The following PRKAR2B variants were observed in gnomAD, a reference collection of about 807,000 sequenced individuals.
The protein encoded by PRKAR2B is protein kinase cAMP-dependent type II regulatory subunit beta.
Under a neutral mutation model 49.9 loss-of-function variants are expected in PRKAR2B, and 14 were observed. That is an observed-to-expected ratio of 0.28 (90% CI 0.19 to 0.44). PRKAR2B has a LOEUF of 0.44. Ranked by LOEUF, PRKAR2B falls within the 20% of genes least tolerant of loss-of-function variation. The pLI, the probability that PRKAR2B is intolerant of heterozygous loss-of-function variation, is 1.00. For missense variants in PRKAR2B, 393 were observed against 537.9 expected (o/e 0.73, Z 2.67); for synonymous variants, 196 against 197.7 (o/e 0.99, Z 0.07).
intron 2 of PRKAR2B, among the ~76,000 whole-genome samples, chr7:107,110,182 A>C (rs1480047894): frequency 2.0e-5 from 3 of 152,162 alleles, no homozygotes; most frequent in Non-Finnish European, 4.4e-5. Context: ...GCAAAAGCAA[A>C]CTAACTCAGC....
intron 2 of PRKAR2B, among the ~76,000 whole-genome samples, chr7:107,102,432 C>G (rs1191127015): frequency 6.6e-6 from 1 of 152,156 alleles, no homozygotes; most frequent in Non-Finnish European, 1.5e-5. Context: ...CTTTGGGCCA[C>G]TCTGCCTGTG....
chr7:107,044,847 C>G lies in PRKAR2B; in HGVS notation c.-61C>G. ...GCGCTCGCTCGGCAGCCGCGGGGCCCTAGGCCGTGCCGGGGAGGGGGCGAG... is the reference window on the plus strand; with the variant it reads ...GCGCTCGCTCGGCAGCCGCGGGGCCGTAGGCCGTGCCGGGGAGGGGGCGAG... On this transcript the variant is annotated 5_prime_UTR_variant, in exon 1 of 11. Coordinates refer to ENST00000265717, the MANE Select transcript of PRKAR2B (RefSeq NM_002736.3). 6.8e-7 allele frequency: 1 copy of G among 1,470,988 alleles called. No homozygotes were observed. Among genetic ancestry groups the G allele is most frequent in the Non-Finnish European group, 9.1e-7 (1 of 1,104,288 alleles). The allele number at this position is 1,470,988 out of a possible 1,614,324, so 91.1% of individuals were successfully genotyped here.
At chr7:107,156,381 T>C (rs1488715733) in intron 8 of PRKAR2B, among the ~76,000 whole-genome samples, 1 of 151,956 alleles carries the variant, frequency 6.6e-6, no homozygotes, top group Non-Finnish European at 1.5e-5. Context: ...GAGGCTGCAG[T>C]GAGCTGAGAT....
intron 1 of PRKAR2B, among the ~76,000 whole-genome samples, chr7:107,063,209 G>A (rs1794061853): frequency 6.6e-6 from 1 of 152,088 alleles, no homozygotes; most frequent in Non-Finnish European, 1.5e-5. Flanking sequence ...TACCATGTTG[G>A]CCAGGCTGAA....
At chr7:107,156,820 C>A (rs1796101042) in intron 8 of PRKAR2B, among the ~76,000 whole-genome samples, 164 bp from the exon 9 acceptor site, 2 of 151,176 alleles carry the variant, frequency 1.3e-5, no homozygotes, top group African/African-American at 2.4e-5. Flanking sequence ...AAAAAAAAAA[C>A]CTCTTGATTT....
chr7:107,117,366 A>G (rs565665143), intron 2 of PRKAR2B, among the ~76,000 whole-genome samples: 2 of 152,306 alleles, frequency 1.3e-5, no homozygotes, highest in South Asian at 2.1e-4. Context: ...TTAAATAAGT[A>G]TGCTAAAATC....
intron 2 of PRKAR2B, among the ~76,000 whole-genome samples, chr7:107,108,161 A>G (rs1015444766): frequency 1.3e-5 from 2 of 152,156 alleles, no homozygotes; most frequent in African/African-American, 2.4e-5. Context: ...GAGTTGGCCC[A>G]TCATGAACCC....
At chr7:107,125,465 C>G (rs1741866770) in intron 3 of PRKAR2B, among the ~76,000 whole-genome samples, 1 of 152,188 alleles carries the variant, frequency 6.6e-6, no homozygotes. Context: ...CTCTAGTACA[C>G]TAAAATCACA....
At chr7:107,140,371 T>A (rs534834134) in intron 4 of PRKAR2B, among the ~76,000 whole-genome samples, 2 of 152,362 alleles carry the variant, frequency 1.3e-5, no homozygotes, top group South Asian at 4.1e-4. Flanking sequence ...GTTTTGATTT[T>A]GGTGCTAAAC....
chr7:107,067,457 C>G (rs986244081), intron 1 of PRKAR2B: 1 of 152,148 alleles, frequency 6.6e-6, no homozygotes, highest in Non-Finnish European at 1.5e-5. Flanking sequence ...CTGTCCAATC[C>G]TATGCCCCAT....
intron 2 of PRKAR2B, among the ~76,000 whole-genome samples, chr7:107,085,159 A>G (rs1427204905): frequency 6.6e-6 from 1 of 152,124 alleles, no homozygotes; most frequent in African/African-American, 2.4e-5. Context: ...ATAAGCAATA[A>G]TGTTAGATGC....
At chr7:107,082,950 A>G (rs997514928) in intron 2 of PRKAR2B, among the ~76,000 whole-genome samples, 1 of 152,070 alleles carries the variant, frequency 6.6e-6, no homozygotes, top group Non-Finnish European at 1.5e-5. Flanking sequence ...AGTTGGTGAG[A>G]CTGAAGTGTC....
intron 2 of PRKAR2B, among the ~76,000 whole-genome samples, chr7:107,099,390 TC>T (rs908857966): frequency 1.2e-4 from 19 of 152,124 alleles, no homozygotes; most frequent in Admixed American, 2.6e-4. Flanking sequence ...GGTGGGAGTG[TC>T]CCGATTTTCC....
At chr7:107,086,813 T>C (rs545383344) in intron 2 of PRKAR2B, among the ~76,000 whole-genome samples, 1 of 152,282 alleles carries the variant, frequency 6.6e-6, no homozygotes, top group South Asian at 2.1e-4. Context: ...GTAAACATAA[T>C]GATATGGTAA....
chr7:107,116,192 A>G (rs540840441), intron 2 of PRKAR2B, among the ~76,000 whole-genome samples: 2 of 152,314 alleles, frequency 1.3e-5, no homozygotes, highest in South Asian at 2.1e-4. Context: ...TTTTGTTAAC[A>G]TTTACTGTGT....
chr7:107,104,468 C>T (rs2283037), intron 2 of PRKAR2B, among the ~76,000 whole-genome samples: 60,264 of 152,078 alleles, frequency 0.4, 14,493 homozygotes, highest in Non-Finnish European at 0.51. Flanking sequence ...ACTTTTTGAA[C>T]AGAAATTTGG....
intron 2 of PRKAR2B, among the ~76,000 whole-genome samples, chr7:107,074,794 C>T (rs1446826343): frequency 7.9e-5 from 12 of 151,590 alleles, no homozygotes; most frequent in African/African-American, 1.2e-4. Flanking sequence ...GGGGAGACTG[C>T]GTTTAAAATA....
intron 2 of PRKAR2B, among the ~76,000 whole-genome samples, chr7:107,086,720 C>T (rs1368844438): frequency 6.6e-6 from 1 of 152,072 alleles, no homozygotes; most frequent in Non-Finnish European, 1.5e-5. Context: ...AGCTTGGCCT[C>T]CCAGAGTGCT....
intron 2 of PRKAR2B, among the ~76,000 whole-genome samples, chr7:107,111,275 C>A (rs968977510): frequency 4.6e-5 from 7 of 152,220 alleles, no homozygotes; most frequent in African/African-American, 1.7e-4. Context: ...AGATTTTTGA[C>A]TGTAGTCCCT....
Sources: gnomAD v4.1 joint callset for allele counts (sites outside exome capture counted in the v4.1 genomes callset) on GRCh38, gnomAD v4.1.1 for gene constraint, MANE v1.5 for transcripts, NCBI Gene and HGNC (gene_info 2026-07-23, HGNC 2026-07-21) for gene names.